SLC16A1: variants seen among roughly 807,000 people sequenced by gnomAD.
The protein encoded by SLC16A1 is monocarboxylate transporter 1.
In SLC16A1, 11 loss-of-function variants were observed where a neutral mutation model predicts 32.2. The observed-to-expected ratio is 0.34, with a 90% CI of 0.21 to 0.56. The LOEUF (loss-of-function observed/expected upper bound fraction) is 0.56. Ranked by LOEUF, SLC16A1 falls within the 20% of genes least tolerant of loss-of-function variation. The probability of loss-of-function intolerance (pLI) is 0.87; values close to 1 mark genes in which losing one functional copy is unlikely to be tolerated. For missense variants in SLC16A1, 435 were observed against 615.0 expected, an observed-to-expected ratio of 0.71 and a Z score of 3.10; for synonymous variants, 231 against 226.8, an observed-to-expected ratio of 1.02 and a Z score of -0.17.
At chr1:112,933,814 G>A (rs1198523352) in intron 1 of SLC16A1, among the ~76,000 whole-genome samples, 1 of 152,112 alleles carries the variant, frequency 6.6e-6, no homozygotes, top group East Asian at 1.9e-4. Context: ...ACACATTTTG[G>A]CAGTTCCTTA....
chr1:112,924,113 G>A (rs1232882498), intron 2 of SLC16A1: 14 of 1,367,692 alleles, frequency 1.0e-5, no homozygotes, highest in East Asian at 2.3e-5. Context: ...TGCAGGCCGC[G>A]TATGGCGCCA....
chr1:112,937,353 A>C (rs1203368008), intron 1 of SLC16A1, among the ~76,000 whole-genome samples: 10 of 152,232 alleles, frequency 6.6e-5, no homozygotes, highest in Admixed American at 6.5e-4. Context: ...AATTAGATTT[A>C]AAGCCTCAAG....
chr1:112,953,145 T>C (rs1384949224), intron 1 of SLC16A1, among the ~76,000 whole-genome samples: 3 of 142,460 alleles, frequency 2.1e-5, no homozygotes, highest in Admixed American at 1.5e-4. Context: ...CCAGCCCCAC[T>C]GAAAATCCTT....
chr1:112,923,534 C>T (rs1161693354), intron 2 of SLC16A1: 3 of 1,105,032 alleles, frequency 2.7e-6, no homozygotes, highest in Admixed American at 3.4e-5. Context: ...TGTACAGCGA[C>T]AGCCAGTCCA....
chr1:112,945,387 A>G (rs1303125529), intron 1 of SLC16A1, among the ~76,000 whole-genome samples: 2 of 151,884 alleles, frequency 1.3e-5, no homozygotes, highest in Admixed American at 6.6e-5. Context: ...AACATTACCT[A>G]CTGTTGGCCG....
intron 2 of SLC16A1, among the ~76,000 whole-genome samples, chr1:112,928,843 AC>A (rs1649026883): frequency 6.6e-6 from 1 of 152,242 alleles, no homozygotes; most frequent in African/African-American, 2.4e-5. Flanking sequence ...ACTCAATGAT[AC>A]ATCAGTTGGA....
intron 2 of SLC16A1, among the ~76,000 whole-genome samples, chr1:112,927,873 TAAG>T (rs1483757099): frequency 1.3e-5 from 2 of 152,114 alleles, no homozygotes; most frequent in African/African-American, 4.8e-5. Flanking sequence ...GTAGTCAACT[TAAG>T]AAGACACTGA....
chr1:112,939,496 G>A (rs768779226), intron 1 of SLC16A1, among the ~76,000 whole-genome samples: 4 of 152,028 alleles, frequency 2.6e-5, no homozygotes, highest in South Asian at 2.1e-4. Flanking sequence ...GTCCATCTAC[G>A]GAGGAACAGA....
At chr1:112,951,445 T>C (rs1649891447) in intron 1 of SLC16A1, among the ~76,000 whole-genome samples, 2 of 152,106 alleles carry the variant, frequency 1.3e-5, no homozygotes, top group Non-Finnish European at 2.9e-5. Flanking sequence ...GAGCTTTAAG[T>C]GACATATTAA....
At chr1:112,931,978 C>T (rs1649146593) in intron 1 of SLC16A1, among the ~76,000 whole-genome samples, 1 of 152,122 alleles carries the variant, frequency 6.6e-6, no homozygotes, top group Non-Finnish European at 1.5e-5. Context: ...TCTTGACTAC[C>T]ATGTTCTTTA....
intron 1 of SLC16A1, among the ~76,000 whole-genome samples, chr1:112,943,593 G>C (rs1432479729): frequency 6.6e-6 from 1 of 151,404 alleles, no homozygotes; most frequent in African/African-American, 2.4e-5. Context: ...TTTGAGACCA[G>C]CCTGGCCAAC....
At position 112,912,700 on chromosome 1, in the gene SLC16A1, AATTACTT is replaced by A. The variant is rs1301575565; in HGVS notation, c.*1184_*1190del. On this transcript the variant is annotated 3_prime_UTR_variant, in exon 5 of 5. Coordinates refer to ENST00000369626, the MANE Select transcript of SLC16A1 (RefSeq NM_003051.4). ...AGGCCTTCTCTGAAAAAAGAGAAGG[AATTACTT>A]ATTAAAACTAAGCACACTTAGCAAC... The A allele has an allele frequency of 6.6e-6, 1 of 152,104 alleles. No homozygotes were observed. The highest frequency in any genetic ancestry group is 1.5e-5 in the Non-Finnish European group (1 of 68,002). 9.4% of individuals were successfully genotyped at this position (152,104 alleles called of 1,614,324 possible).
intron 2 of SLC16A1, chr1:112,923,494 A>T (rs1648815421): frequency 3.3e-6 from 3 of 902,454 alleles, no homozygotes; most frequent in African/African-American, 3.3e-5. Flanking sequence ...TTCCTGGAGC[A>T]CGGCCACACC....
intron 1 of SLC16A1, among the ~76,000 whole-genome samples, chr1:112,945,890 G>A (rs930129929): frequency 2.6e-5 from 4 of 152,168 alleles, no homozygotes; most frequent in African/African-American, 9.6e-5. Context: ...TACTAGGGAA[G>A]CTGAGGCAGG....
chr1:112,918,424 T>C (rs1287215183), intron 3 of SLC16A1, among the ~76,000 whole-genome samples: 47 of 152,224 alleles, frequency 3.1e-4, no homozygotes, highest in Non-Finnish European at 1.5e-4. Flanking sequence ...CTATTTTGTC[T>C]AATCTAACAA....
rs199961115 is a variant in SLC16A1, at chr1:112,929,328, C to T, written c.-20G>A. The T allele has an allele frequency of 6.2e-7, 1 of 1,600,452 alleles. No homozygotes were observed. Among genetic ancestry groups the T allele is most frequent in the African/African-American group, 1.3e-5 (1 of 74,664 alleles). On this transcript the variant is annotated 5_prime_UTR_variant, in exon 2 of 5. Transcript: ENST00000369626. ...TGGCATTTTAAGTGTAGATAAATTC[C>T]AAAATGCAGGTCAAATCCAAATATC...
chr1:112,919,870 T>C (rs1405428318), intron 3 of SLC16A1, among the ~76,000 whole-genome samples: 1 of 152,178 alleles, frequency 6.6e-6, no homozygotes, highest in Non-Finnish European at 1.5e-5. Flanking sequence ...GCCCAGTTCT[T>C]CCCTGTCACA....
chr1:112,942,512 G>A (rs1018421305), intron 1 of SLC16A1, among the ~76,000 whole-genome samples: 3 of 152,156 alleles, frequency 2.0e-5, no homozygotes, highest in Non-Finnish European at 2.9e-5. Context: ...AGGTGAAATG[G>A]GTTTAAGTTT....
intron 3 of SLC16A1, among the ~76,000 whole-genome samples, chr1:112,920,892 C>G (rs533597692): frequency 6.6e-6 from 1 of 152,198 alleles, no homozygotes; most frequent in African/African-American, 2.4e-5. Flanking sequence ...GTAATCCCAG[C>G]ACTTTGGGAG....
Sources: gnomAD v4.1 joint callset for allele counts (sites outside exome capture counted in the v4.1 genomes callset) on GRCh38, gnomAD v4.1.1 for gene constraint, MANE v1.5 for transcripts, NCBI Gene and HGNC (gene_info 2026-07-23, HGNC 2026-07-21) for gene names.